Variants in THRAP3 observed in about 807,000 individuals in gnomAD.
THRAP3 encodes the protein thyroid hormone receptor associated protein 3, also known as thyroid hormone receptor-associated protein 3.
In THRAP3, 16 loss-of-function variants were observed where a neutral mutation model predicts 101.0. That is an observed-to-expected ratio of 0.16 (90% confidence interval 0.11 to 0.24). THRAP3 has a LOEUF of 0.24. Among genes scored for constraint, THRAP3 ranks in the 10% least tolerant of loss-of-function variants. The pLI is 1.00. For missense variants in THRAP3, 989 were observed against 1,202.7 expected (o/e 0.82, Z 2.63); for synonymous variants, 407 against 422.6 (o/e 0.96, Z 0.45).
At position 36,289,048 on chromosome 1, in the gene THRAP3, T is replaced by G; in HGVS notation, c.1041-12T>G. 6.4e-7 allele frequency: 1 copy of G among 1,553,054 alleles called. No homozygotes were observed. Among genetic ancestry groups the G allele is most frequent in the Middle Eastern group, 1.8e-4 (1 of 5,446 alleles). ...AGCCTCTTGTGTCTCTCTCTTGTGT[T>G]TTTATAAATAGGTATCTAGAAGAGC... is the stretch of plus-strand genomic sequence containing the variant. On this transcript the variant is annotated splice_polypyrimidine_tract_variant and intron_variant, in intron 4 of 11. Transcript: ENST00000354618.
At chr1:36,289,855 C>T in intron 5 of THRAP3, 91 bp downstream of exon 5, 1 of 1,473,930 alleles carries the variant, frequency 6.8e-7, no homozygotes, top group Non-Finnish European at 9.0e-7. Context: ...GCTGTATTCC[C>T]CCTTCTGTCT....
intron 2 of THRAP3, among the ~76,000 whole-genome samples, chr1:36,268,415 G>C (rs1645541300): frequency 6.6e-6 from 1 of 152,186 alleles, no homozygotes. Flanking sequence ...AGCCGGTCCA[G>C]TATTTGTTAC....
rs889114426 is a variant in THRAP3 at position 36,304,131 on chromosome 1, C to G, written c.*114C>G. The G allele has an allele frequency of 1.1e-5, 15 of 1,400,900 alleles. No individual in the cohort carries two copies. Among genetic ancestry groups the G allele is most frequent in the South Asian group, 3.1e-5 (2 of 63,764 alleles). 86.8% of individuals were successfully genotyped at this position (1,400,900 alleles called of 1,614,324 possible). ...TTCTGAAAATCCTACCCCCACCCCC[C>G]ACCAGCCGCACAGATTGTACTACCG... On this transcript the variant is annotated 3_prime_UTR_variant, in exon 12 of 12. Coordinates refer to ENST00000354618, the MANE Select transcript of THRAP3 (RefSeq NM_005119.4).
At chr1:36,213,505 G>A in the THRAP3 span, among the ~76,000 whole-genome samples, 2 of 152,040 alleles carry the variant, frequency 1.3e-5, no homozygotes, top group East Asian at 3.9e-4. Context: ...ATAGAAGGAG[G>A]AAGCCAAGAT....
At chr1:36,270,167 C>T (rs1295587090) in intron 2 of THRAP3, among the ~76,000 whole-genome samples, 1 of 152,124 alleles carries the variant, frequency 6.6e-6, no homozygotes, top group African/African-American at 2.4e-5. Context: ...GGAGGGAGGA[C>T]TCCTTGAACC....
rs1427560593 is a variant in THRAP3, at chr1:36,293,926, T to A, written c.2106T>A (p.Pro702=). 7 of 1,613,698 alleles carry A rather than the reference T, an allele frequency of 4.3e-6. No individual in the cohort carries two copies. Among genetic ancestry groups the A allele is most frequent in the Non-Finnish European group, 5.9e-6 (7 of 1,179,638 alleles). ...ATGAAATGAAAAGTCCCCGGGAACC[T>A]GGCTACAAGGTGAACTGTTGATTTG... ...AHDEMKSPRE[P]GYKAEGKYKD... Residue 702 remains proline (P), a synonymous_variant, in exon 8 of 12, where the codon CCT becomes CCA. Transcript: ENST00000354618.
chr1:36,302,903 C>T (rs980813449), intron 11 of THRAP3, among the ~76,000 whole-genome samples: 1 of 152,158 alleles, frequency 6.6e-6, no homozygotes, highest in Non-Finnish European at 1.5e-5. Flanking sequence ...GTCACACTGC[C>T]TCCTTGCATA....
rs6693113 is a variant in THRAP3 at position 36,292,200 on chromosome 1, G to A, written c.1919-398G>A. Among the ~76,000 whole-genome samples the A allele has an allele frequency of 6.1e-3, 896 of 146,262 alleles. 10 individuals carry two copies. The highest frequency in any genetic ancestry group is 0.021 in the African/African-American group (848 of 39,804). On this transcript the variant is annotated intron_variant, in intron 6 of 11. Transcript: ENST00000354618. ...ACTTTAGGTGCATCTCTGTGGTTACGGGTTCCTGCAAAAGAGTTAAAACAT... is the reference window on the plus strand; with the variant it reads ...ACTTTAGGTGCATCTCTGTGGTTACAGGTTCCTGCAAAAGAGTTAAAACAT...
chr1:36,303,935 G>A lies in THRAP3; in HGVS notation c.2786G>A (p.Gly929Glu), dbSNP rs1356772312. 6.2e-7 allele frequency: 1 copy of A among 1,613,006 alleles called. No individual in the cohort carries two copies. Among genetic ancestry groups the A allele is most frequent in the Non-Finnish European group, 8.5e-7 (1 of 1,179,518 alleles). ...AAGTGGGCCCATGACAAGTTCAGTG[G>A]GGAGGAAGGGGAGATTGAAGACGAC... ...SPKWAHDKFS[G>E]EEGEIEDDES... The change falls in exon 12 of 12, where the codon GGG becomes GAG. Residue 929 changes from glycine (G) to glutamate (E), a missense_variant. Coordinates refer to ENST00000354618, the MANE Select transcript of THRAP3 (RefSeq NM_005119.4).
At chr1:36,223,088 C>A (rs1644915136), upstream of THRAP3, among the ~76,000 whole-genome samples, 2 of 152,140 alleles carry the variant, frequency 1.3e-5, no homozygotes, top group Admixed American at 6.5e-5. Flanking sequence ...AATCGCACCA[C>A]TGCCCTCCAG....
chr1:36,250,214 CTTT>C (rs55959529), intron 1 of THRAP3, among the ~76,000 whole-genome samples: 11 of 140,526 alleles, frequency 7.8e-5, no homozygotes, highest in Non-Finnish European at 1.1e-4. Flanking sequence ...ATTAGGCATA[CTTT>C]TTTTTTTTTT....
intron 2 of THRAP3, among the ~76,000 whole-genome samples, chr1:36,281,129 A>G (rs567524420): frequency 4.0e-5 from 6 of 150,574 alleles, no homozygotes; most frequent in Admixed American, 6.6e-5. Flanking sequence ...CTGGTCTTGA[A>G]CTCCTGATCT....
chr1:36,208,951 G>GCCACCAC, the THRAP3 span, among the ~76,000 whole-genome samples: 3 of 142,414 alleles, frequency 2.1e-5, no homozygotes, highest in African/African-American at 7.8e-5. Context: ...ACAGACGTGA[G>GCCACCAC]CCACCATGTC....
chr1:36,221,809 CTT>C (rs74850064), upstream of THRAP3, among the ~76,000 whole-genome samples: 15 of 139,894 alleles, frequency 1.1e-4, no homozygotes, highest in East Asian at 2.1e-4. Flanking sequence ...TGGTCTTGAA[CTT>C]TTTTTTTTTT....
chr1:36,217,226 C>T, the THRAP3 span, among the ~76,000 whole-genome samples: 3 of 152,128 alleles, frequency 2.0e-5, no homozygotes, highest in African/African-American at 7.2e-5. Flanking sequence ...CGGTTTCTGG[C>T]AGGGTGGATT....
the THRAP3 span, among the ~76,000 whole-genome samples, chr1:36,208,503 C>T: frequency 1.3e-5 from 2 of 152,142 alleles, no homozygotes; most frequent in Non-Finnish European, 2.9e-5. Context: ...CTCCATCACC[C>T]CTCTGCCCCC....
At chr1:36,263,089 C>T (rs1291339123) in intron 2 of THRAP3, among the ~76,000 whole-genome samples, 1 of 146,004 alleles carries the variant, frequency 6.8e-6, no homozygotes, top group Non-Finnish European at 1.5e-5. Context: ...GGATTACAGG[C>T]GTGAGCCACT....
In THRAP3 at chr1:36,286,450, C is replaced by A. The variant is rs1645796312; in HGVS notation, c.220C>A (p.Arg74=). 6 of 1,613,972 alleles carry A rather than the reference C, an allele frequency of 3.7e-6. No individual in the cohort carries two copies. Among genetic ancestry groups the A allele is most frequent in the Non-Finnish European group, 5.1e-6 (6 of 1,180,034 alleles). ...HPRVYQNRDF[R]GHNRGYRRPY... Reference sequence around the variant, plus strand: ...AAGAGTATATCAGAATCGGGATTTCCGAGGTCACAACAGAGGCTATAGAAG... The same window carrying A: ...AAGAGTATATCAGAATCGGGATTTCAGAGGTCACAACAGAGGCTATAGAAG... Residue 74 remains arginine (R), a synonymous_variant, in exon 4 of 12, where the codon CGA becomes AGA. Coordinates refer to ENST00000354618, the MANE Select transcript of THRAP3 (RefSeq NM_005119.4). The surrounding 1 kb of genome is among the most constrained non-coding windows in gnomAD (Gnocchi z 5.5).
chr1:36,221,108 C>T (rs1180666792), upstream of THRAP3, among the ~76,000 whole-genome samples: 2 of 145,782 alleles, frequency 1.4e-5, no homozygotes, highest in Non-Finnish European at 3.0e-5. Flanking sequence ...TCCTTTGAGC[C>T]TGGGAGATGG....
Sources: allele counts gnomAD v4.1 joint callset (sites outside exome capture counted in the v4.1 genomes callset), GRCh38; gene constraint gnomAD v4.1.1; non-coding constraint Gnocchi (gnomAD v3.1); transcripts MANE v1.5; gene names NCBI Gene and HGNC (gene_info 2026-07-23, HGNC 2026-07-21).